The following PCDHA4 variants were observed in gnomAD, a reference collection of about 807,000 sequenced individuals.
The protein encoded by PCDHA4 is protocadherin alpha 4.
In PCDHA4, 49 loss-of-function variants were observed where a neutral mutation model predicts 61.4. The ratio of observed to expected loss-of-function variants is 0.80; its 90% CI spans 0.63 to 1.01. The LOEUF (loss-of-function observed/expected upper bound fraction) is 1.01, where lower values mean the gene tolerates loss of function less well. PCDHA4 is among the 50% of genes least tolerant of loss of function. The probability of loss-of-function intolerance (pLI) is 0.00; values close to 1 mark genes in which losing one functional copy is unlikely to be tolerated. For missense variants in PCDHA4, 1,254 were observed against 1,235.8 expected (o/e 1.01, Z -0.22); for synonymous variants, 590 against 550.3 (o/e 1.07, Z -1.01).
intron 1 of PCDHA4, chr5:140,853,318 A>C (rs2042706802): frequency 1.2e-5 from 12 of 984,648 alleles, no homozygotes; most frequent in Non-Finnish European, 1.5e-5. Context: ...CTTAGTAATA[A>C]ATTTATCTTT....
At chr5:140,938,876 AAC>A (rs142461507) in intron 1 of PCDHA4, among the ~76,000 whole-genome samples, 10 of 151,120 alleles carry the variant, frequency 6.6e-5, no homozygotes, top group Non-Finnish European at 1.3e-4. Flanking sequence ...GTTAAGAAGC[AAC>A]ACACACACAC....
intron 1 of PCDHA4, among the ~76,000 whole-genome samples, chr5:140,846,117 T>C (rs1780205131): frequency 6.7e-6 from 1 of 149,668 alleles, no homozygotes; most frequent in African/African-American, 2.4e-5. Flanking sequence ...CTATCTTACT[T>C]TGATAGTTGT....
At chr5:140,930,403 T>A (rs1337428261) in intron 1 of PCDHA4, 6 of 152,200 alleles carry the variant, frequency 3.9e-5, no homozygotes, top group African/African-American at 1.2e-4. Context: ...CTTTTTTTTT[T>A]TTGAGACAGG....
chr5:140,874,359 G>T (rs1456899858), intron 1 of PCDHA4, among the ~76,000 whole-genome samples: 1 of 152,176 alleles, frequency 6.6e-6, no homozygotes, highest in East Asian at 1.9e-4. Context: ...TTGAATTAAT[G>T]AATAAACTCA....
intron 1 of PCDHA4, chr5:140,966,556 A>C (rs2096021446): frequency 8.5e-6 from 4 of 469,720 alleles, no homozygotes; most frequent in Admixed American, 8.7e-5. Context: ...CGAGCGGAGG[A>C]GCTGGAATAT....
intron 1 of PCDHA4, chr5:140,858,779 C>T (rs771428982): frequency 5.0e-6 from 2 of 403,886 alleles, no homozygotes; most frequent in Non-Finnish European, 9.0e-6. Flanking sequence ...ATTAGTACTT[C>T]ATGTTATTTC....
At position 140,809,587 on chromosome 5, in the gene PCDHA4, T is replaced by G. The variant is rs1459606311; in HGVS notation, c.2385+15T>G. On this transcript the variant is annotated intron_variant, in intron 1 of 3. Coordinates refer to ENST00000530339, the MANE Select transcript of PCDHA4 (RefSeq NM_018907.4). Reference sequence around the variant, plus strand: ...CCTTTGCAAAGGTTAGTGTATAACATCCTTTTGTTTAATTTTCGTATTGTT... The same window carrying G: ...CCTTTGCAAAGGTTAGTGTATAACAGCCTTTTGTTTAATTTTCGTATTGTT... 6.5e-7 allele frequency: 1 copy of G among 1,541,008 alleles called. No individual in the cohort carries two copies. Among genetic ancestry groups the G allele is most frequent in the African/African-American group, 1.4e-5 (1 of 72,138 alleles).
intron 1 of PCDHA4, chr5:140,927,596 G>T: frequency 6.2e-7 from 1 of 1,614,162 alleles, no homozygotes; most frequent in Non-Finnish European, 8.5e-7. Context: ...GTATTTGAGC[G>T]CTCCGTATAC....
At chr5:140,988,182 G>A (rs191995725) in intron 3 of PCDHA4, among the ~76,000 whole-genome samples, 79 of 152,240 alleles carry the variant, frequency 5.2e-4, no homozygotes, top group African/African-American at 1.5e-3. Flanking sequence ...ACAGTCCTGG[G>A]AGGTGTGTGC....
chr5:140,962,806 A>G (rs2095710017), intron 1 of PCDHA4, among the ~76,000 whole-genome samples: 1 of 152,204 alleles, frequency 6.6e-6, no homozygotes, highest in Admixed American at 6.5e-5. Context: ...ACAACTCTAA[A>G]CATCAGAGAT....
chr5:140,835,793 G>C, intron 1 of PCDHA4: 1 of 1,613,102 alleles, frequency 6.2e-7, no homozygotes, highest in Non-Finnish European at 8.5e-7. Context: ...ACAACCCGCC[G>C]GGCTGCCACA....
intron 1 of PCDHA4, among the ~76,000 whole-genome samples, chr5:140,932,550 A>T (rs552367725): frequency 2.6e-5 from 4 of 152,058 alleles, no homozygotes; most frequent in Admixed American, 2.0e-4. Context: ...TTTAACATAC[A>T]TTCCACAAGT....
At chr5:140,965,403 T>G (rs1241477329) in intron 1 of PCDHA4, among the ~76,000 whole-genome samples, 1 of 151,946 alleles carries the variant, frequency 6.6e-6, no homozygotes, top group Admixed American at 6.6e-5. Flanking sequence ...GTCTAAGGAG[T>G]CTTATATTTA....
chr5:140,911,626 T>C (rs1436086231), intron 1 of PCDHA4, among the ~76,000 whole-genome samples: 5 of 152,180 alleles, frequency 3.3e-5, no homozygotes, highest in African/African-American at 1.2e-4. Context: ...TCCCCACATA[T>C]GGTCAAAGGT....
intron 1 of PCDHA4, among the ~76,000 whole-genome samples, chr5:140,955,431 AG>A (rs1273972601): frequency 1.3e-5 from 2 of 152,194 alleles, no homozygotes; most frequent in East Asian, 3.9e-4. Flanking sequence ...AGTTCTCATT[AG>A]GTCTGATGGT....
chr5:140,911,760 A>T (rs1295639313), intron 1 of PCDHA4, among the ~76,000 whole-genome samples: 1 of 151,962 alleles, frequency 6.6e-6, no homozygotes, highest in Non-Finnish European at 1.5e-5. Flanking sequence ...TCTCCATACT[A>T]TTAGAAGTAC....
intron 3 of PCDHA4, among the ~76,000 whole-genome samples, chr5:140,992,987 C>G (rs1259400627): frequency 6.6e-6 from 1 of 152,158 alleles, no homozygotes; most frequent in East Asian, 1.9e-4. Context: ...GGCCATGGGA[C>G]CCATGAAAGA....
At chr5:140,886,461 A>G (rs1434440381) in intron 1 of PCDHA4, among the ~76,000 whole-genome samples, 2 of 152,116 alleles carry the variant, frequency 1.3e-5, no homozygotes, top group African/African-American at 2.4e-5. Context: ...TCATATATAA[A>G]TGTTTTTAAA....
At position 141,009,636 on chromosome 5, in the gene PCDHA4, C is replaced by T. The variant is rs782321757; in HGVS notation, c.2543C>T (p.Ala848Val). ...ATGTTTTGTCTTTCAGAACCAGAGG[C>T]AGGAGAAGTGTCCCCTCCAGTCGGT... ...TVSSATPEPE[A>V]GEVSPPVGAG... Residue 848 changes from alanine (A) to valine (V), a missense_variant, in exon 4 of 4, where the codon GCA becomes GTA. Physicochemically the swap from Ala to Val is moderately conservative, Grantham distance 64. Transcript: ENST00000530339. 3.7e-6 allele frequency: 6 copies of T among 1,613,192 alleles called. No homozygotes were observed. Among genetic ancestry groups the T allele is most frequent in the Non-Finnish European group, 4.2e-6 (5 of 1,179,532 alleles).
Sources: allele counts gnomAD v4.1 joint callset (sites outside exome capture counted in the v4.1 genomes callset), GRCh38; gene constraint gnomAD v4.1.1; transcripts MANE v1.5; gene names NCBI Gene and HGNC (gene_info 2026-07-23, HGNC 2026-07-21).